The following BTBD8 variants were observed in gnomAD, a reference collection of about 807,000 sequenced individuals.
The protein encoded by BTBD8 is BTB/POZ domain-containing protein 8.
BTBD8 carries 110 observed loss-of-function variants against 162.9 expected under a neutral mutation model. The ratio of observed to expected loss-of-function variants is 0.68; its 90% confidence interval spans 0.58 to 0.79. The LOEUF (loss-of-function observed/expected upper bound fraction) is 0.79. Among genes scored for constraint, BTBD8 ranks in the 30% least tolerant of loss-of-function variants. BTBD8 has a pLI of 0.00. For synonymous variants in BTBD8, 667 were observed against 716.1 expected (o/e 0.93, Z 1.10); for missense variants, 1,905 against 2,085.4 (o/e 0.91, Z 1.68).
intron 7 of BTBD8, among the ~76,000 whole-genome samples, chr1:92,143,553 T>A (rs1255410512): frequency 6.6e-6 from 1 of 152,146 alleles, no homozygotes; most frequent in African/African-American, 2.4e-5. Flanking sequence ...TCTTGTTGCC[T>A]AGGCTGGAGT....
At chr1:92,132,488 A>G (rs1649537883) in intron 5 of BTBD8, among the ~76,000 whole-genome samples, 1 of 152,062 alleles carries the variant, frequency 6.6e-6, no homozygotes, top group African/African-American at 2.4e-5. Context: ...TTCACCTGTA[A>G]TTTTCTGTCT....
In BTBD8 at chr1:92,164,480, A is replaced by G. The variant is rs1295046445; in HGVS notation, c.1123-2478A>G. On this transcript the variant is annotated intron_variant, in intron 9 of 17. Coordinates refer to ENST00000636805, the MANE Select transcript of BTBD8 (RefSeq NM_001376131.1). Reference sequence around the variant, plus strand: ...TAAAAATACAAAAAATTAGCTGGGCATGGTGGCGTGCACCTGTAATACCAG... The same window carrying G: ...TAAAAATACAAAAAATTAGCTGGGCGTGGTGGCGTGCACCTGTAATACCAG... 6.6e-5 allele frequency among the ~76,000 whole-genome samples: 10 copies of G among 152,010 alleles called. No homozygotes were observed. In the East Asian group the frequency reaches 1.6e-3, roughly 24 times the overall value.
chr1:92,128,558 G>A (rs1408758319), intron 4 of BTBD8, among the ~76,000 whole-genome samples: 6 of 151,898 alleles, frequency 4.0e-5, no homozygotes, highest in Non-Finnish European at 7.4e-5. Context: ...GATTACAGGC[G>A]TGAGCCACCG....
At chr1:92,160,667 A>G (rs1181140492) in intron 9 of BTBD8, among the ~76,000 whole-genome samples, 1 of 150,554 alleles carries the variant, frequency 6.6e-6, no homozygotes, top group Non-Finnish European at 1.5e-5. Context: ...ACTCCTCTAC[A>G]CTCCTTCCTG....
At chr1:92,104,909 C>T (rs1314491395) in intron 3 of BTBD8, among the ~76,000 whole-genome samples, 1 of 151,046 alleles carries the variant, frequency 6.6e-6, no homozygotes, top group Non-Finnish European at 1.5e-5. Context: ...ACTGACTAAA[C>T]ATACCTGTTA....
intron 2 of BTBD8, among the ~76,000 whole-genome samples, chr1:92,091,620 C>A (rs1570713877): frequency 6.6e-6 from 1 of 151,864 alleles, no homozygotes; most frequent in Non-Finnish European, 1.5e-5. Context: ...CTGCAAGCTC[C>A]GCCTCCCGGT....
At chr1:92,084,102 A>G (rs557232950) in intron 1 of BTBD8, among the ~76,000 whole-genome samples, 7 of 152,106 alleles carry the variant, frequency 4.6e-5, no homozygotes, top group Non-Finnish European at 8.8e-5. Flanking sequence ...TTCCCTGCCA[A>G]TTTTACCAAC....
At chr1:92,162,516 G>A (rs897333209) in intron 9 of BTBD8, among the ~76,000 whole-genome samples, 5 of 152,120 alleles carry the variant, frequency 3.3e-5, no homozygotes, top group Admixed American at 6.6e-5. Flanking sequence ...AGTGTTTTTC[G>A]AACTTTAATG....
rs1353154250 is a variant in BTBD8 at position 92,180,518 on chromosome 1, G to A, written c.2835G>A (p.Gln945=). 2 of 1,551,530 alleles carry A rather than the reference G, an allele frequency of 1.3e-6. No homozygotes were observed. Among genetic ancestry groups the A allele is most frequent in the Non-Finnish European group, 1.7e-6 (2 of 1,146,916 alleles). Residue 945 remains glutamine, a synonymous_variant, in exon 17 of 18, where the codon CAG becomes CAA. Coordinates refer to ENST00000636805, the MANE Select transcript of BTBD8 (RefSeq NM_001376131.1). ...CAAAACAGAAAATGCCTCCTGGACA[G>A]GTTATATCAAAAACTCAGCCTTCCT... The part of the protein sequence containing the change: ...KDSKQKMPPG[Q]VISKTQPSSQ...
At chr1:92,135,047 A>G (rs1649601333) in intron 5 of BTBD8, among the ~76,000 whole-genome samples, 1 of 142,952 alleles carries the variant, frequency 7.0e-6, no homozygotes, top group Non-Finnish European at 1.5e-5. Context: ...ATGTGCCACC[A>G]TGCCTGGCTA....
At position 92,139,354 on chromosome 1, in the gene BTBD8, A is replaced by G; in HGVS notation, c.757A>G (p.Ser253Gly). ...GAGTTTTCTTTTATTTTTCAGTATA[A>G]GCCATGTAGAACTGAATGTTATGAT... Reference protein sequence around the residue: ...SQEYVTLQGISHVELNVMMHF... With the variant: ...SQEYVTLQGIGHVELNVMMHF... Residue 253 changes from serine to glycine, a missense_variant, in exon 6 of 18, where the codon AGC becomes GGC. By Grantham distance (56) the Ser-to-Gly change is moderately conservative. This residue lies in a region of BTBD8 where 1,374 missense variants were observed against 1,442.7 expected (regional missense o/e 0.95). Coordinates refer to ENST00000636805, the MANE Select transcript of BTBD8 (RefSeq NM_001376131.1). 1 of 1,574,002 alleles carries G rather than the reference A, an allele frequency of 6.4e-7. No homozygotes were observed. The highest frequency in any genetic ancestry group is 8.6e-7 in the Non-Finnish European group (1 of 1,168,876).
intron 7 of BTBD8, among the ~76,000 whole-genome samples, chr1:92,146,957 A>G (rs1649939834): frequency 6.6e-6 from 1 of 152,154 alleles, no homozygotes; most frequent in African/African-American, 2.4e-5. Context: ...TTTTAAGGAA[A>G]AAAATTAAGA....
chr1:92,096,990 C>G (rs1557438574), intron 2 of BTBD8, among the ~76,000 whole-genome samples: 1 of 152,174 alleles, frequency 6.6e-6, no homozygotes, highest in Admixed American at 6.5e-5. Context: ...GCAGTGAGAA[C>G]TTTTACAAAC....
At chr1:92,124,464 G>C (rs907895280) in intron 4 of BTBD8, among the ~76,000 whole-genome samples, 1 of 152,196 alleles carries the variant, frequency 6.6e-6, no homozygotes, top group Non-Finnish European at 1.5e-5. Flanking sequence ...ATAGTGCGGA[G>C]CACAGAATAG....
intron 9 of BTBD8, among the ~76,000 whole-genome samples, chr1:92,154,002 A>G (rs1262721327): frequency 1.3e-5 from 2 of 152,172 alleles, no homozygotes; most frequent in Non-Finnish European, 2.9e-5. Context: ...TGCCATCCCC[A>G]TGGTGATGAG....
chr1:92,168,049 G>C (rs1044422395), intron 11 of BTBD8, 64 bp downstream of exon 11: 77 of 1,418,698 alleles, frequency 5.4e-5, no homozygotes, highest in Non-Finnish European at 7.2e-5. Context: ...TTAGATGTAT[G>C]TGCATTTTAA....
chr1:92,178,545 C>T (rs1399014791), intron 16 of BTBD8, 94 bp downstream of exon 16: 62 of 958,480 alleles, frequency 6.5e-5, no homozygotes, highest in South Asian at 1.9e-5. Flanking sequence ...AGCAAATAAG[C>T]AAAATATGGT....
At chr1:92,120,516 A>G (rs906973886) in intron 4 of BTBD8, among the ~76,000 whole-genome samples, 2 of 152,082 alleles carry the variant, frequency 1.3e-5, no homozygotes, top group Non-Finnish European at 2.9e-5. Context: ...ATAAGCCAGT[A>G]ACGTAGTTGT....
chr1:92,139,441 C>T lies in BTBD8; in HGVS notation c.833+11C>T, dbSNP rs761718498. 6.3e-7 allele frequency: 1 copy of T among 1,595,392 alleles called. No individual in the cohort carries two copies. The highest frequency in any genetic ancestry group is 1.2e-5 in the South Asian group (1 of 85,776). On this transcript the variant is annotated intron_variant, in intron 6 of 17. Transcript: ENST00000636805. ...CAAAACTAATGTTGGGTATGTATTC[C>T]TTTTTAATAATTTAAAATATAAAAG...
Sources: gnomAD v4.1 joint callset for allele counts (sites outside exome capture counted in the v4.1 genomes callset) on GRCh38, gnomAD v4.1.1 for gene constraint, gnomAD v4.1.1 regional missense constraint, MANE v1.5 for transcripts, NCBI Gene and HGNC (gene_info 2026-07-23, HGNC 2026-07-21) for gene names.